The following CADPS2 variants were observed in gnomAD, a reference collection of about 807,000 sequenced individuals.
The protein encoded by CADPS2 is calcium-dependent secretion activator 2.
A neutral mutation model predicts 172.5 loss-of-function variants in CADPS2; 93 were observed. The ratio of observed to expected loss-of-function variants is 0.54; its 90% CI spans 0.46 to 0.64. The LOEUF is 0.64. Ranked by LOEUF, CADPS2 falls within the 30% of genes least tolerant of loss-of-function variation. The pLI is 0.00. For missense variants in CADPS2, 1,420 were observed against 1,565.9 expected (o/e 0.91, Z 1.57); for synonymous variants, 546 against 555.2 (o/e 0.98, Z 0.23).
At chr7:122,477,043 GAGAGAGAGA>G (rs1563448732) in intron 12 of CADPS2, among the ~76,000 whole-genome samples, 2 of 46,644 alleles carry the variant, frequency 4.3e-5, no homozygotes, top group African/African-American at 1.1e-4. Flanking sequence ...GAGAGGAGAG[GAGAGAGAGA>G]AGAGAGAGAG....
intron 1 of CADPS2, among the ~76,000 whole-genome samples, chr7:122,854,895 A>T (rs1415169526): frequency 6.6e-6 from 1 of 152,268 alleles, no homozygotes; most frequent in South Asian, 2.1e-4. Context: ...CTTCAAAATC[A>T]TAATATAAAA....
chr7:122,585,528 G>T (rs1434676515), intron 6 of CADPS2: 1 of 148,208 alleles, frequency 6.7e-6, no homozygotes, highest in Non-Finnish European at 1.5e-5. Context: ...TATTCACCAA[G>T]ACATCTCCTT....
intron 6 of CADPS2, among the ~76,000 whole-genome samples, chr7:122,582,890 C>T (rs532699852): frequency 6.6e-6 from 1 of 152,144 alleles, no homozygotes; most frequent in African/African-American, 2.4e-5. Flanking sequence ...ATGTATTACA[C>T]TGATTTTTTT....
intron 9 of CADPS2, among the ~76,000 whole-genome samples, chr7:122,502,501 TA>T (rs2059284371): frequency 6.6e-6 from 1 of 152,022 alleles, no homozygotes; most frequent in South Asian, 2.1e-4. Context: ...ACATAACCCA[TA>T]TTTTCTCTAT....
chr7:122,637,601 AC>A (rs1447603881), intron 3 of CADPS2, among the ~76,000 whole-genome samples: 12 of 152,094 alleles, frequency 7.9e-5, no homozygotes, highest in African/African-American at 2.9e-4. Flanking sequence ...TTGGGTTTCA[AC>A]TTTTTCCTGG....
At chr7:122,529,510 T>G (rs2131284102) in intron 8 of CADPS2, among the ~76,000 whole-genome samples, 1 of 152,168 alleles carries the variant, frequency 6.6e-6, no homozygotes, top group African/African-American at 2.4e-5. Context: ...ACAATACTAA[T>G]TAATAGAAAA....
rs1363217863 is a variant in CADPS2 at position 122,360,794 on chromosome 7, A to G, written c.3498T>C (p.Asp1166=). ...GCAGATAAAAAATACTTACTGGAAC[A>G]TCAACATATTTTGCAGCTGCTTTCA... ...FTVKAAAKYV[D]VPKPGMDLAD... Residue 1166 remains aspartate (D), a synonymous_variant, in exon 27 of 30, where the codon GAT becomes GAC. Coordinates refer to ENST00000449022, the MANE Select transcript of CADPS2 (RefSeq NM_017954.11). The G allele has an allele frequency of 1.5e-5, 24 of 1,557,698 alleles. No individual in the cohort carries two copies. The highest frequency in any genetic ancestry group is 2.0e-5 in the Non-Finnish European group (23 of 1,151,502).
intron 1 of CADPS2, among the ~76,000 whole-genome samples, chr7:122,826,497 T>C (rs1416057519): frequency 6.6e-6 from 1 of 152,174 alleles, no homozygotes; most frequent in African/African-American, 2.4e-5. Context: ...GTTAGATTTA[T>C]CTGACAAAGA....
At chr7:122,413,739 A>G (rs1204159634) in intron 19 of CADPS2, among the ~76,000 whole-genome samples, 2 of 152,156 alleles carry the variant, frequency 1.3e-5, no homozygotes, top group African/African-American at 2.4e-5. Context: ...TCACTCCCCA[A>G]TATTGTTCAG....
At chr7:122,468,250 T>C (rs1267505679) in intron 14 of CADPS2, among the ~76,000 whole-genome samples, 1 of 152,164 alleles carries the variant, frequency 6.6e-6, no homozygotes, top group Non-Finnish European at 1.5e-5. Flanking sequence ...ATATGTGTCT[T>C]GACAGATGTA....
chr7:122,747,234 G>C (rs2092756585), intron 1 of CADPS2, among the ~76,000 whole-genome samples: 1 of 151,972 alleles, frequency 6.6e-6, no homozygotes, highest in Non-Finnish European at 1.5e-5. Flanking sequence ...ACTAAGATCT[G>C]ACAAAATCCA....
chr7:122,562,713 G>T (rs1015358009), intron 7 of CADPS2, among the ~76,000 whole-genome samples: 1 of 152,052 alleles, frequency 6.6e-6, no homozygotes, highest in African/African-American at 2.4e-5. Context: ...GTGATTTAAA[G>T]ATATTTTTAC....
intron 6 of CADPS2, among the ~76,000 whole-genome samples, chr7:122,608,213 TAA>T (rs59329850): frequency 2.8e-5 from 4 of 140,630 alleles, no homozygotes; most frequent in Admixed American, 7.1e-5. Flanking sequence ...AGACTCCGTC[TAA>T]AAAAAAAAAA....
At chr7:122,483,805 A>C (rs1393032375) in intron 11 of CADPS2, among the ~76,000 whole-genome samples, 1 of 152,132 alleles carries the variant, frequency 6.6e-6, no homozygotes, top group East Asian at 1.9e-4. Context: ...TTAAATTCTA[A>C]AGCAATCACA....
In CADPS2 at chr7:122,771,400, T is replaced by C. The variant is rs923370059; in HGVS notation, c.340-34332A>G. Among the ~76,000 whole-genome samples the C allele has an allele frequency of 6.6e-5, 10 of 152,286 alleles. No homozygotes were observed. The East Asian group carries it at 1.9e-3, about 29-fold the overall frequency. On this transcript the variant is annotated intron_variant, in intron 1 of 29. Coordinates refer to ENST00000449022, the MANE Select transcript of CADPS2 (RefSeq NM_017954.11). ...ATAATGAAGACAATGGGTGCTACTA[T>C]AATTTGGCTATGGGTAGTCTGTTCA... is the stretch of plus-strand genomic sequence containing the variant.
chr7:122,670,995 C>T (rs1379895781), intron 2 of CADPS2, among the ~76,000 whole-genome samples: 1 of 152,036 alleles, frequency 6.6e-6, no homozygotes, highest in Non-Finnish European at 1.5e-5. Flanking sequence ...CCTCACCATC[C>T]CCTAATTATC....
chr7:122,529,205 C>T (rs1209626204), intron 8 of CADPS2, among the ~76,000 whole-genome samples: 1 of 151,782 alleles, frequency 6.6e-6, no homozygotes, highest in Non-Finnish European at 1.5e-5. Context: ...CACATTTCAG[C>T]ACAGGAAATC....
At chr7:122,528,588 C>T (rs768985164) in intron 8 of CADPS2, among the ~76,000 whole-genome samples, 1 of 152,106 alleles carries the variant, frequency 6.6e-6, no homozygotes, top group Non-Finnish European at 1.5e-5. Flanking sequence ...GGATGGACTA[C>T]ATAGGACTAG....
intron 13 of CADPS2, 36 bp downstream of exon 13, chr7:122,474,345 T>C (rs2056367094): frequency 6.3e-7 from 1 of 1,585,560 alleles, no homozygotes; most frequent in South Asian, 1.1e-5. Flanking sequence ...AATCTTTTAT[T>C]CCAACTTATA....
Sources: gnomAD v4.1 joint callset for allele counts (sites outside exome capture counted in the v4.1 genomes callset) on GRCh38, gnomAD v4.1.1 for gene constraint, MANE v1.5 for transcripts, NCBI Gene and HGNC (gene_info 2026-07-23, HGNC 2026-07-21) for gene names.